GRM7: variants seen among roughly 807,000 people sequenced by gnomAD.
The protein encoded by GRM7 is metabotropic glutamate receptor 7.
A neutral mutation model predicts 84.5 loss-of-function variants in GRM7; 35 were observed. The ratio of observed to expected loss-of-function variants is 0.41; its 90% CI spans 0.32 to 0.55. GRM7 has a LOEUF of 0.55. Among genes scored for constraint, GRM7 ranks in the 20% least tolerant of loss-of-function variants. The pLI, the probability that GRM7 is intolerant of heterozygous loss-of-function variation, is 0.19. For synonymous variants in GRM7, 487 were observed against 455.1 expected (o/e 1.07, Z -0.89); for missense variants, 1,003 against 1,194.6 (o/e 0.84, Z 2.36).
intron 1 of GRM7, among the ~76,000 whole-genome samples, chr3:7,037,641 TCTGA>T (rs1177512906): frequency 6.6e-6 from 1 of 152,198 alleles, no homozygotes; most frequent in Non-Finnish European, 1.5e-5. Flanking sequence ...ATATACCATG[TCTGA>T]CTGAAGGAAG....
intron 1 of GRM7, among the ~76,000 whole-genome samples, chr3:6,943,596 C>A (rs1193693688): frequency 6.6e-6 from 1 of 151,946 alleles, no homozygotes; most frequent in Non-Finnish European, 1.5e-5. Flanking sequence ...ATTAGTGTAG[C>A]CTTATAACAC....
chr3:7,356,803 G>A (rs1271536243), intron 4 of GRM7, among the ~76,000 whole-genome samples: 2 of 151,846 alleles, frequency 1.3e-5, no homozygotes, highest in Non-Finnish European at 2.9e-5. Flanking sequence ...AGCTTTCCTG[G>A]TTTTAAGGCT....
At chr3:7,165,726 C>T (rs1427380322) in intron 2 of GRM7, among the ~76,000 whole-genome samples, 1 of 152,112 alleles carries the variant, frequency 6.6e-6, no homozygotes, top group Non-Finnish European at 1.5e-5. Flanking sequence ...TATTTGAAAA[C>T]ATTTACCTTT....
chr3:7,479,276 C>G (rs1699040045), intron 7 of GRM7, among the ~76,000 whole-genome samples: 1 of 151,974 alleles, frequency 6.6e-6, no homozygotes, highest in Non-Finnish European at 1.5e-5. Flanking sequence ...AGAAAAGCCT[C>G]AAAATGGTGG....
intron 2 of GRM7, among the ~76,000 whole-genome samples, chr3:7,232,844 C>T (rs1697237085): frequency 6.6e-6 from 1 of 152,122 alleles, no homozygotes; most frequent in African/African-American, 2.4e-5. Flanking sequence ...TTAAGATGAG[C>T]TTGCAGGTCT....
At chr3:7,510,415 T>C (rs1700163712) in intron 7 of GRM7, among the ~76,000 whole-genome samples, 2 of 152,210 alleles carry the variant, frequency 1.3e-5, no homozygotes, top group South Asian at 4.1e-4. Flanking sequence ...TACAGCTGTA[T>C]TCTCAGTGCC....
At chr3:7,148,508 T>C (rs1694178202) in intron 2 of GRM7, among the ~76,000 whole-genome samples, 2 of 152,226 alleles carry the variant, frequency 1.3e-5, no homozygotes, top group Admixed American at 1.3e-4. Flanking sequence ...ATGTTGATTA[T>C]TCTGTAAAGT....
chr3:7,579,089 T>C lies in GRM7; in HGVS notation c.2183T>C (p.Ile728Thr), dbSNP rs1410432269. The C allele has an allele frequency of 1.9e-6, 3 of 1,613,966 alleles. No homozygotes were observed. The highest frequency in any genetic ancestry group is 2.5e-6 in the Non-Finnish European group (3 of 1,179,864). ...FIWFGVDPPN[I>T]IIDYDEHKTM... Reference sequence around the variant, plus strand: ...TGGTTTGGTGTTGATCCACCCAACATCATCATAGACTATGATGAACACAAG... The same window carrying C: ...TGGTTTGGTGTTGATCCACCCAACACCATCATAGACTATGATGAACACAAG... Residue 728 changes from isoleucine (I) to threonine (T), a missense_variant, in exon 8 of 10, where the codon ATC (isoleucine) becomes ACC (threonine). Ile to Thr is a moderately conservative substitution (Grantham distance 89, BLOSUM62 -1). This residue lies in a region of GRM7 where 910 missense variants were observed against 1,126.0 expected (regional missense o/e 0.81). Transcript: ENST00000357716.
chr3:7,464,774 G>C (rs1417149728), intron 7 of GRM7, among the ~76,000 whole-genome samples: 2 of 148,836 alleles, frequency 1.3e-5, no homozygotes, highest in East Asian at 4.0e-4. Flanking sequence ...CTTACAGTGA[G>C]CCAAGATTGT....
chr3:7,457,273 A>G (rs1698057220), intron 6 of GRM7, among the ~76,000 whole-genome samples: 1 of 152,180 alleles, frequency 6.6e-6, no homozygotes, highest in Admixed American at 6.5e-5. Flanking sequence ...ATCGTACCCT[A>G]AAGGCATTGA....
intron 1 of GRM7, among the ~76,000 whole-genome samples, chr3:6,977,412 T>G (rs186849497): frequency 1.3e-5 from 2 of 152,158 alleles, no homozygotes; most frequent in African/African-American, 2.4e-5. Flanking sequence ...TGTTGTTTTG[T>G]TTTAGACACA....
intron 1 of GRM7, among the ~76,000 whole-genome samples, chr3:6,932,846 C>T (rs1697557673): frequency 6.8e-6 from 1 of 147,564 alleles, no homozygotes; most frequent in Admixed American, 6.9e-5. Context: ...TCTTCGACTC[C>T]TGGGTTCATT....
chr3:7,645,873 C>T (rs1698614692), intron 8 of GRM7, among the ~76,000 whole-genome samples: 1 of 152,204 alleles, frequency 6.6e-6, no homozygotes, highest in South Asian at 2.1e-4. Flanking sequence ...TACACTGAGA[C>T]AGAACTTATC....
At chr3:6,933,288 T>G (rs766992053) in intron 1 of GRM7, among the ~76,000 whole-genome samples, 5 of 152,170 alleles carry the variant, frequency 3.3e-5, no homozygotes, top group Non-Finnish European at 5.9e-5. Flanking sequence ...AACATGTTCA[T>G]TCTCCTTGAC....
At chr3:6,998,647 A>G (rs1354140982) in intron 1 of GRM7, among the ~76,000 whole-genome samples, 1 of 152,314 alleles carries the variant, frequency 6.6e-6, no homozygotes, top group African/African-American at 2.4e-5. Flanking sequence ...GTTTCCATAC[A>G]TCCTATGAAA....
intron 8 of GRM7, among the ~76,000 whole-genome samples, chr3:7,625,064 T>C (rs959009865): frequency 1.3e-5 from 2 of 152,166 alleles, no homozygotes; most frequent in Admixed American, 6.5e-5. Flanking sequence ...AACCCAAGAC[T>C]TCTCACCTCC....
At chr3:7,422,936 A>ACC (rs1438481275) in intron 5 of GRM7, among the ~76,000 whole-genome samples, 8 of 152,196 alleles carry the variant, frequency 5.3e-5, no homozygotes, top group Admixed American at 5.2e-4. Flanking sequence ...CAAGCAAAGT[A>ACC]GATGGATGGC....
At chr3:7,428,302 T>G (rs1696694418) in intron 5 of GRM7, among the ~76,000 whole-genome samples, 1 of 150,862 alleles carries the variant, frequency 6.6e-6, no homozygotes, top group South Asian at 2.1e-4. Context: ...CTTTCACTTC[T>G]CTGGTGGAGA....
At chr3:6,985,949 T>C (rs569761031) in intron 1 of GRM7, among the ~76,000 whole-genome samples, 29 of 152,324 alleles carry the variant, frequency 1.9e-4, no homozygotes, top group African/African-American at 6.5e-4. Context: ...TTTTGGGTTT[T>C]TTGAGAATAA....
Sources: gnomAD v4.1 joint callset for allele counts (sites outside exome capture counted in the v4.1 genomes callset) on GRCh38, gnomAD v4.1.1 for gene constraint, gnomAD v4.1.1 regional missense constraint, MANE v1.5 for transcripts, NCBI Gene and HGNC (gene_info 2026-07-23, HGNC 2026-07-21) for gene names.